The following ELF5 variants were observed in gnomAD, a reference collection of about 807,000 sequenced individuals.
ELF5 encodes the protein ETS-related transcription factor Elf-5.
A neutral mutation model predicts 38.2 loss-of-function variants in ELF5; 31 were observed. The observed-to-expected ratio is 0.81, with a 90% CI of 0.61 to 1.10. The LOEUF is 1.10. ELF5 is among the 50% of genes least tolerant of loss of function. The probability of loss-of-function intolerance (pLI) is 0.00; values close to 1 mark genes in which losing one functional copy is unlikely to be tolerated. For synonymous variants in ELF5, 121 were observed against 112.5 expected (o/e 1.08, Z -0.48); for missense variants, 300 against 306.6 (o/e 0.98, Z 0.16).
chr11:34,493,850 GC>G (rs772010691), intron 2 of ELF5, 138 bp from the exon 3 acceptor site: 134 of 693,070 alleles, frequency 1.9e-4, no homozygotes, highest in Admixed American at 9.4e-4. Flanking sequence ...TGGGTGTTCT[GC>G]AGAGCCCAGG....
chr11:34,484,995 C>CACTT (rs1849948127), intron 4 of ELF5, among the ~76,000 whole-genome samples: 1 of 152,192 alleles, frequency 6.6e-6, no homozygotes, highest in Non-Finnish European at 1.5e-5. Flanking sequence ...GGTATCACAA[C>CACTT]ACTGGGCCTA....
intron 2 of ELF5, among the ~76,000 whole-genome samples, chr11:34,497,653 A>G (rs1406563156): frequency 1.3e-5 from 2 of 152,244 alleles, no homozygotes; most frequent in Non-Finnish European, 2.9e-5. Context: ...TGGAAAGTTC[A>G]TGCCAAAGTG....
At chr11:34,500,210 T>G (rs1014930566) in intron 2 of ELF5, among the ~76,000 whole-genome samples, 1 of 152,136 alleles carries the variant, frequency 6.6e-6, no homozygotes, top group Admixed American at 6.5e-5. Flanking sequence ...TTAGACAAAC[T>G]TGGACCATAA....
intron 1 of ELF5, among the ~76,000 whole-genome samples, chr11:34,507,186 A>G (rs978436533): frequency 2.0e-5 from 3 of 152,230 alleles, no homozygotes; most frequent in African/African-American, 7.2e-5. Context: ...GCCTTCCTAA[A>G]TCTGTGAAGA....
rs548657921 is a variant in ELF5, at chr11:34,480,241, C to T, written c.745G>A (p.Gly249Arg). ...LVYKFGKNAH[G>R]WQEDKL ...GATCATAGCTTGTCTTCCTGCCACC[C>T]GTGTGCATTTTTTCCAAATTTGTAC... The change falls in exon 7 of 7, where the codon GGG (glycine) becomes AGG (arginine). Residue 249 changes from glycine to arginine, a missense_variant. Physicochemically the swap from Gly to Arg is moderately radical, Grantham distance 125. Transcript: ENST00000257832. 62 of 1,613,934 alleles carry T rather than the reference C, an allele frequency of 3.8e-5. No individual in the cohort carries two copies. The highest frequency in any genetic ancestry group is 1.6e-4 in the Middle Eastern group (1 of 6,084).
At chr11:34,489,388 C>T (rs1230638827) in intron 4 of ELF5, among the ~76,000 whole-genome samples, 1 of 152,124 alleles carries the variant, frequency 6.6e-6, no homozygotes, top group African/African-American at 2.4e-5. Context: ...TGGGGTTTGC[C>T]CAGGACCACA....
Position 34,483,306 on chromosome 11 carries a change from A to G in ELF5, c.407-807T>C, listed in dbSNP as rs541656837. Reference sequence around the variant, plus strand: ...CCCACTGCTCCGCATTTTACATAGAATATTCGAGCATATTCTATGGTGTAT... The same window carrying G: ...CCCACTGCTCCGCATTTTACATAGAGTATTCGAGCATATTCTATGGTGTAT... On this transcript the variant is annotated intron_variant, in intron 4 of 6. Coordinates refer to ENST00000257832, the MANE Select transcript of ELF5 (RefSeq NM_001422.4). Among the ~76,000 whole-genome samples the G allele has an allele frequency of 2.0e-3, 302 of 151,972 alleles. 1 individual carries two copies. The highest frequency in any genetic ancestry group is 7.0e-3 in the African/African-American group (290 of 41,416).
At chr11:34,491,156 C>A (rs1417215799) in intron 3 of ELF5, among the ~76,000 whole-genome samples, 3 of 152,144 alleles carry the variant, frequency 2.0e-5, no homozygotes, top group African/African-American at 7.2e-5. Context: ...CCCCAGTCAA[C>A]TGTAGAATTT....
chr11:34,489,305 C>G (rs1260990822), intron 4 of ELF5, among the ~76,000 whole-genome samples: 1 of 152,270 alleles, frequency 6.6e-6, no homozygotes, highest in East Asian at 1.9e-4. Context: ...GCTTGCAGCC[C>G]TCAGAGGCCT....
At chr11:34,493,733 G>A in intron 2 of ELF5, 21 bp from the exon 3 acceptor site, 1 of 1,608,184 alleles carries the variant, frequency 6.2e-7, no homozygotes. Flanking sequence ...GGAGAAAGAA[G>A]TGAGGGACAA....
chr11:34,486,314 G>T (rs1265953556), intron 4 of ELF5, among the ~76,000 whole-genome samples: 3 of 152,040 alleles, frequency 2.0e-5, no homozygotes, highest in African/African-American at 7.2e-5. Flanking sequence ...CAGTGGAGGT[G>T]GGTGGGGAGT....
At chr11:34,484,283 T>C (rs1049987533) in intron 4 of ELF5, among the ~76,000 whole-genome samples, 1 of 151,660 alleles carries the variant, frequency 6.6e-6, no homozygotes, top group Non-Finnish European at 1.5e-5. Flanking sequence ...CACTATACTG[T>C]AATAACTGTA....
chr11:34,482,494 C>A lies in ELF5; in HGVS notation c.412G>T (p.Asp138Tyr). ...ESKATIKDYA[D>Y]SNCLKTSGIK... Reference sequence around the variant, plus strand: ...CCACTTGTTTTCAAGCAGTTGGAATCAGCATCTGAAATAGAATAATTTATA... The same window carrying A: ...CCACTTGTTTTCAAGCAGTTGGAATAAGCATCTGAAATAGAATAATTTATA... Residue 138 changes from aspartate (D) to tyrosine (Y), a missense_variant, in exon 5 of 7, where the codon GAT (aspartate) becomes TAT (tyrosine). By Grantham distance (160) the Asp-to-Tyr change is radical (BLOSUM62 -3). Coordinates refer to ENST00000257832, the MANE Select transcript of ELF5 (RefSeq NM_001422.4). 2 of 1,612,592 alleles carry A rather than the reference C, an allele frequency of 1.2e-6. No homozygotes were observed.
intron 1 of ELF5, among the ~76,000 whole-genome samples, chr11:34,510,983 G>T (rs540912339): frequency 6.6e-6 from 1 of 152,196 alleles, no homozygotes; most frequent in Non-Finnish European, 1.5e-5. Flanking sequence ...CCTGGGCCTG[G>T]AGTTATGATT....
chr11:34,493,400 C>T (rs775622373), intron 3 of ELF5, 79 bp downstream of exon 3: 23 of 1,385,216 alleles, frequency 1.7e-5, no homozygotes, highest in East Asian at 5.0e-5. Context: ...GCAATTCACA[C>T]GATGGGAAAG....
rs368316660 is a variant in ELF5 at position 34,493,256 on chromosome 11, C to T, written c.355+223G>A. ...GAACGTGGTGTCCGTTTTTCTTTCTCTTTTTTTAAATGCACTCAATTTGCA... is the reference window on the plus strand; with the variant it reads ...GAACGTGGTGTCCGTTTTTCTTTCTTTTTTTTTAAATGCACTCAATTTGCA... On this transcript the variant is annotated intron_variant, in intron 3 of 6. Coordinates refer to ENST00000257832, the MANE Select transcript of ELF5 (RefSeq NM_001422.4). 112 of 604,640 alleles carry T rather than the reference C, an allele frequency of 1.9e-4. No homozygotes were observed. In the African/African-American group the frequency reaches 1.9e-3, roughly 10 times the overall value. The allele number at this position is 604,640 out of a possible 1,614,324, so 37.5% of individuals were successfully genotyped here.
In ELF5 at chr11:34,479,768, C is replaced by T. The variant is rs1188425781; in HGVS notation, c.*450G>A. On this transcript the variant is annotated 3_prime_UTR_variant, in exon 7 of 7. Coordinates refer to ENST00000257832, the MANE Select transcript of ELF5 (RefSeq NM_001422.4). ...TCTAAAGTATGTATGTCTTATATCT[C>T]ACCCTCTCCTACCATAACCTGCAAA... 2 of 155,990 alleles carry T rather than the reference C, an allele frequency of 1.3e-5. No individual in the cohort carries two copies. Among genetic ancestry groups the T allele is most frequent in the African/African-American group, 4.8e-5 (2 of 41,466 alleles). The allele number at this position is 155,990 out of a possible 1,614,324, so 9.7% of individuals were successfully genotyped here.
chr11:34,503,985 C>T (rs772890956), intron 2 of ELF5, among the ~76,000 whole-genome samples: 19 of 152,286 alleles, frequency 1.2e-4, no homozygotes, highest in Non-Finnish European at 2.4e-4. Context: ...GACACAGAGC[C>T]GCTGCTTCAC....
At chr11:34,485,654 C>T (rs991983159) in intron 4 of ELF5, among the ~76,000 whole-genome samples, 7 of 152,224 alleles carry the variant, frequency 4.6e-5, no homozygotes, top group South Asian at 2.1e-4. Context: ...GAATTTCTTC[C>T]GTGGGTCTTG....
Sources: allele counts gnomAD v4.1 joint callset (sites outside exome capture counted in the v4.1 genomes callset), GRCh38; gene constraint gnomAD v4.1.1; transcripts MANE v1.5; gene names NCBI Gene and HGNC (gene_info 2026-07-23, HGNC 2026-07-21).